The following PLCH1 variants were observed in gnomAD, a reference collection of about 807,000 sequenced individuals.
The protein encoded by PLCH1 is 1-phosphatidylinositol 4,5-bisphosphate phosphodiesterase eta-1.
A neutral mutation model predicts 126.7 loss-of-function variants in PLCH1; 60 were observed. The ratio of observed to expected loss-of-function variants is 0.47; its 90% CI spans 0.38 to 0.59. The LOEUF is 0.59. PLCH1 is among the 20% of genes least tolerant of loss of function. PLCH1 has a pLI of 0.00. For missense variants in PLCH1, 1,723 were observed against 2,040.0 expected, an observed-to-expected ratio of 0.84 and a Z score of 2.99; for synonymous variants, 719 against 734.9, an observed-to-expected ratio of 0.98 and a Z score of 0.35.
At chr3:155,534,010 C>G (rs2108348254) in intron 10 of PLCH1, among the ~76,000 whole-genome samples, 1 of 152,264 alleles carries the variant, frequency 6.6e-6, no homozygotes, top group South Asian at 2.1e-4. Context: ...GGGGTGGAGC[C>G]CTCAAGGCAG....
intron 1 of PLCH1, among the ~76,000 whole-genome samples, chr3:155,710,151 C>A (rs147884401): frequency 6.6e-6 from 1 of 151,992 alleles, no homozygotes; most frequent in Non-Finnish European, 1.5e-5. Context: ...CCACACCTGG[C>A]GAATTTTTGT....
intron 8 of PLCH1, among the ~76,000 whole-genome samples, chr3:155,556,775 A>G (rs1028899744): frequency 3.3e-5 from 5 of 152,238 alleles, no homozygotes; most frequent in Admixed American, 6.5e-5. Context: ...AACTGCCTGA[A>G]TTCCAGCCTG....
At chr3:155,517,119 C>T (rs919760866) in intron 11 of PLCH1, among the ~76,000 whole-genome samples, 9 of 152,068 alleles carry the variant, frequency 5.9e-5, no homozygotes, top group African/African-American at 2.2e-4. Flanking sequence ...TCAGCCTGGG[C>T]AACATAATGA....
At chr3:155,514,509 T>C (rs1401413607) in intron 12 of PLCH1, among the ~76,000 whole-genome samples, 3 of 152,144 alleles carry the variant, frequency 2.0e-5, no homozygotes, top group African/African-American at 4.8e-5. Flanking sequence ...GTCCTGAGGG[T>C]CCAAGTGGAG....
chr3:155,659,516 T>G (rs926894865), intron 2 of PLCH1, among the ~76,000 whole-genome samples: 1 of 151,354 alleles, frequency 6.6e-6, no homozygotes, highest in Non-Finnish European at 1.5e-5. Flanking sequence ...TTTGGTTTTT[T>G]GTTTTGAGAT....
intron 11 of PLCH1, among the ~76,000 whole-genome samples, chr3:155,520,039 A>G (rs1371141922): frequency 6.6e-6 from 1 of 152,074 alleles, no homozygotes; most frequent in Non-Finnish European, 1.5e-5. Context: ...TTAACAACAT[A>G]TTCTTCTGTT....
At chr3:155,697,389 C>G (rs1325709934) in intron 2 of PLCH1, among the ~76,000 whole-genome samples, 2 of 152,114 alleles carry the variant, frequency 1.3e-5, no homozygotes, top group Non-Finnish European at 2.9e-5. Flanking sequence ...ACCTGAGCCG[C>G]TGTTAGGCGT....
chr3:155,671,039 A>C (rs1417989453), intron 2 of PLCH1, among the ~76,000 whole-genome samples: 24 of 152,214 alleles, frequency 1.6e-4, no homozygotes, highest in Non-Finnish European at 1.6e-4. Context: ...AAAAACAGGC[A>C]ATCGATTGCT....
intron 2 of PLCH1, among the ~76,000 whole-genome samples, chr3:155,639,060 T>C (rs1224864094): frequency 6.6e-6 from 1 of 152,176 alleles, no homozygotes; most frequent in Non-Finnish European, 1.5e-5. Flanking sequence ...TTAAACAGTG[T>C]AGATAACTAG....
At chr3:155,595,490 T>G (rs1732870774) in intron 3 of PLCH1, among the ~76,000 whole-genome samples, 1 of 152,206 alleles carries the variant, frequency 6.6e-6, no homozygotes, top group Non-Finnish European at 1.5e-5. Context: ...TCTGCCACCT[T>G]TGTACTCTGG....
At chr3:155,708,505 G>C (rs1390573818) in intron 1 of PLCH1, among the ~76,000 whole-genome samples, 1 of 152,200 alleles carries the variant, frequency 6.6e-6, no homozygotes, top group Non-Finnish European at 1.5e-5. Context: ...ATGATAAACT[G>C]ATGGGAAACC....
At chr3:155,730,057 G>A (rs1279472605) in intron 1 of PLCH1, among the ~76,000 whole-genome samples, 1 of 152,038 alleles carries the variant, frequency 6.6e-6, no homozygotes, top group Non-Finnish European at 1.5e-5. Flanking sequence ...AGATACTGGT[G>A]GTAAAATTAA....
At chr3:155,634,834 C>CA (rs1469569893) in intron 2 of PLCH1, among the ~76,000 whole-genome samples, 1 of 152,190 alleles carries the variant, frequency 6.6e-6, no homozygotes, top group Non-Finnish European at 1.5e-5. Context: ...CTTTAAATGA[C>CA]AGAGTGGAGG....
intron 5 of PLCH1, among the ~76,000 whole-genome samples, chr3:155,585,559 A>AAAGAGCCTTTC (rs1430106709): frequency 6.6e-6 from 1 of 152,176 alleles, no homozygotes; most frequent in African/African-American, 2.4e-5. Context: ...ATCAACAGGG[A>AAAGAGCCTTTC]AAGAGCCTTT....
At chr3:155,483,500 G>T in intron 22 of PLCH1, 1 of 465,638 alleles carries the variant, frequency 2.1e-6, no homozygotes, top group Non-Finnish European at 3.8e-6. Context: ...AACAAAAAAA[G>T]AAGAAAAGAA....
chr3:155,713,729 C>G (rs1333416101), intron 1 of PLCH1, among the ~76,000 whole-genome samples: 1 of 152,200 alleles, frequency 6.6e-6, no homozygotes, highest in Non-Finnish European at 1.5e-5. Context: ...CACTGTGTTT[C>G]AGGGTCAATC....
intron 10 of PLCH1, among the ~76,000 whole-genome samples, chr3:155,532,492 A>G (rs977977419): frequency 6.6e-6 from 1 of 152,098 alleles, no homozygotes; most frequent in Admixed American, 6.5e-5. Flanking sequence ...TAATCCCCAT[A>G]ATACCCACGT....
At chr3:155,627,140 T>A (rs946369047) in intron 2 of PLCH1, among the ~76,000 whole-genome samples, 3 of 152,242 alleles carry the variant, frequency 2.0e-5, no homozygotes, top group African/African-American at 7.2e-5. Flanking sequence ...AATACCAAGA[T>A]TATGAATTAG....
chr3:155,695,334 CCTT>C (rs552901807), intron 2 of PLCH1, among the ~76,000 whole-genome samples: 104 of 152,234 alleles, frequency 6.8e-4, no homozygotes, highest in Admixed American at 3.7e-3. Context: ...GTCTTCTTTT[CCTT>C]CTTCATCTCA....
Sources: gnomAD v4.1 joint callset for allele counts (sites outside exome capture counted in the v4.1 genomes callset) on GRCh38, gnomAD v4.1.1 for gene constraint, MANE v1.5 for transcripts, NCBI Gene and HGNC (gene_info 2026-07-23, HGNC 2026-07-21) for gene names.